The following MAP3K3 variants were observed in gnomAD, a reference collection of about 807,000 sequenced individuals.
MAP3K3 encodes mitogen-activated protein kinase kinase kinase 3.
Under a neutral mutation model 80.9 loss-of-function variants are expected in MAP3K3, and 12 were observed. The ratio of observed to expected loss-of-function variants is 0.15; its 90% CI spans 0.10 to 0.24. The LOEUF (loss-of-function observed/expected upper bound fraction) is 0.24. Ranked by LOEUF, MAP3K3 falls within the 10% of genes least tolerant of loss-of-function variation. The pLI, the probability that MAP3K3 is intolerant of heterozygous loss-of-function variation, is 1.00. For synonymous variants in MAP3K3, 272 were observed against 307.1 expected (o/e 0.89, Z 1.19); for missense variants, 596 against 834.7 (o/e 0.71, Z 3.52).
rs77641949 is a variant in MAP3K3 at position 63,651,889 on chromosome 17, T to C, written c.168-668T>C. Among the ~76,000 whole-genome samples, 1,318 of 152,282 alleles carry C rather than the reference T, an allele frequency of 8.7e-3. 18 individuals are homozygous for C. Among genetic ancestry groups the C allele is most frequent in the African/African-American group, 0.03 (1,262 of 41,542 alleles). The stretch of plus-strand genomic sequence containing the variant: ...ATTCTGAGGAAAATCAGTATGGAGA[T>C]TCTTATGGCATCTCAAAGATGAACG... On this transcript the variant is annotated intron_variant, in intron 3 of 15. Coordinates refer to ENST00000361733, the MANE Select transcript of MAP3K3 (RefSeq NM_002401.5).
rs1346213585 is a variant in MAP3K3, at chr17:63,622,749, C to T, written c.-11C>T. 7.6e-6 allele frequency: 4 copies of T among 525,294 alleles called. No individual in the cohort carries two copies. Among genetic ancestry groups the T allele is most frequent in the African/African-American group, 4.1e-5 (2 of 49,050 alleles). 32.5% of individuals were successfully genotyped at this position (525,294 alleles called of 1,614,324 possible). ...TCACGGACCTTAGCCACCGCCGCCG[C>T]CATCGCCACCATGGGTAAGTGTCGC... On this transcript the variant is annotated 5_prime_UTR_variant, in exon 1 of 16. Coordinates refer to ENST00000361733, the MANE Select transcript of MAP3K3 (RefSeq NM_002401.5).
rs2035525057 is a variant in MAP3K3 at position 63,689,057 on chromosome 17, ATT to A, written c.871+178_871+179del. On this transcript the variant is annotated intron_variant, in intron 10 of 15. Coordinates refer to ENST00000361733, the MANE Select transcript of MAP3K3 (RefSeq NM_002401.5). The surrounding 1 kb of genome is among the most constrained non-coding windows in gnomAD (Gnocchi z 4.3). ...CAAAAACAAAAACAGGGAAGATAGT[ATT>A]TGTAGACCAGATGCTGCCACTGGGA... The A allele has an allele frequency of 1.6e-6, 1 of 607,214 alleles. No homozygotes were observed. The highest frequency in any genetic ancestry group is 2.9e-6 in the Non-Finnish European group (1 of 342,572). 37.6% of individuals were successfully genotyped at this position (607,214 alleles called of 1,614,324 possible).
chr17:63,632,912 C>A (rs1230800220), intron 2 of MAP3K3, 110 bp downstream of exon 2: 1 of 1,401,700 alleles, frequency 7.1e-7, no homozygotes, highest in Non-Finnish European at 9.8e-7. Context: ...ATGCTTTTGA[C>A]CCCTTCCTTT....
chr17:63,681,662 G>T, intron 6 of MAP3K3, 104 bp from the exon 7 acceptor site: 4 of 1,117,396 alleles, frequency 3.6e-6, no homozygotes, highest in Non-Finnish European at 4.7e-6. Flanking sequence ...ACCCATCTGA[G>T]TCACATTCCT....
intron 3 of MAP3K3, among the ~76,000 whole-genome samples, 166 bp from the exon 4 acceptor site, chr17:63,652,391 A>G (rs2034674425): frequency 6.6e-6 from 1 of 152,202 alleles, no homozygotes; most frequent in African/African-American, 2.4e-5. Flanking sequence ...GTGAAAGGTA[A>G]CGGTAGAGAA....
intron 3 of MAP3K3, among the ~76,000 whole-genome samples, chr17:63,648,824 G>C (rs1311800038): frequency 6.6e-6 from 1 of 151,790 alleles, no homozygotes; most frequent in African/African-American, 2.4e-5. Flanking sequence ...CACACACACA[G>C]AAAAAAGAAT....
chr17:63,665,401 A>G (rs553372153), intron 5 of MAP3K3, among the ~76,000 whole-genome samples: 14 of 152,070 alleles, frequency 9.2e-5, no homozygotes, highest in African/African-American at 3.1e-4. Flanking sequence ...TCCTGACCTC[A>G]TGATCCGCCC....
intron 3 of MAP3K3, among the ~76,000 whole-genome samples, 160 bp from the exon 4 acceptor site, chr17:63,652,397 G>A (rs1038300253): frequency 1.3e-5 from 2 of 152,124 alleles, no homozygotes; most frequent in Non-Finnish European, 2.9e-5. Flanking sequence ...GGTAACGGTA[G>A]AGAAGAGGAA....
chr17:63,690,953 G>A, intron 12 of MAP3K3, 149 bp from the exon 13 acceptor site: 2 of 917,328 alleles, frequency 2.2e-6, no homozygotes, highest in Non-Finnish European at 3.3e-6. Flanking sequence ...GTGGCCAAGA[G>A]CTAGACAGTT....
At chr17:63,657,211 A>G (rs771634211) in intron 4 of MAP3K3, among the ~76,000 whole-genome samples, 3 of 152,022 alleles carry the variant, frequency 2.0e-5, no homozygotes, top group Non-Finnish European at 2.9e-5. Context: ...GGAAAAGAAT[A>G]TGGGGGCTGT....
At position 63,691,044 on chromosome 17, in the gene MAP3K3, C is replaced by T. The variant is rs553952097; in HGVS notation, c.1213-58C>T. 1,134 of 1,607,056 alleles carry T rather than the reference C, an allele frequency of 7.1e-4. 12 individuals carry two copies. In the Admixed American group the frequency reaches 0.017, roughly 24 times the overall value. ...ACTAACTAGGGCAAGCTGAGCTGAA[C>T]CCAGGCGGGCAGAACTAGGGCCCTG... On this transcript the variant is annotated intron_variant, in intron 12 of 15. Coordinates refer to ENST00000361733, the MANE Select transcript of MAP3K3 (RefSeq NM_002401.5). This position sits in a 1 kb window ranked among gnomAD's most constrained non-coding sequence, Gnocchi z 4.8.
Position 63,622,758 on chromosome 17 carries a change from C to G in MAP3K3, c.-2C>G, listed in dbSNP as rs1319265085. 3.8e-6 allele frequency: 2 copies of G among 531,996 alleles called. No homozygotes were observed. The highest frequency in any genetic ancestry group is 7.2e-6 in the Non-Finnish European group (2 of 276,786). The allele number at this position is 531,996 out of a possible 1,614,324, so 33.0% of individuals were successfully genotyped here. A position where few individuals can be genotyped will look rare whatever the true frequency, so the allele number is the denominator to read the frequency against. ...TTAGCCACCGCCGCCGCCATCGCCA[C>G]CATGGGTAAGTGTCGCCACCGCCCC... On this transcript the variant is annotated 5_prime_UTR_variant, in exon 1 of 16. Transcript: ENST00000361733.
chr17:63,685,465 TG>T, intron 7 of MAP3K3, 51 bp from the exon 8 acceptor site: 3 of 1,441,208 alleles, frequency 2.1e-6, no homozygotes, highest in Non-Finnish European at 2.9e-6. Flanking sequence ...CCTGGGTCAC[TG>T]GGGGGAATTG....
At chr17:63,654,297 T>A (rs2034719554) in intron 4 of MAP3K3, among the ~76,000 whole-genome samples, 1 of 98,784 alleles carries the variant, frequency 1.0e-5, no homozygotes, top group Non-Finnish European at 2.3e-5. Flanking sequence ...TTCTGAACAT[T>A]TCGTGTAGTG....
At chr17:63,688,503 G>C (rs368830278) in intron 8 of MAP3K3, 24 bp from the exon 9 acceptor site, 9 of 1,608,492 alleles carry the variant, frequency 5.6e-6, no homozygotes, top group Non-Finnish European at 7.7e-6. Context: ...GCGGGAGTCT[G>C]TTTTTTCTTT....
At chr17:63,623,224 C>T (rs1471147093) in intron 1 of MAP3K3, among the ~76,000 whole-genome samples, 1 of 152,170 alleles carries the variant, frequency 6.6e-6, no homozygotes, top group Non-Finnish European at 1.5e-5. Flanking sequence ...TTTGCTCACA[C>T]AGGCCGGCCT....
rs1208513577 is a variant in MAP3K3 at position 63,692,713 on chromosome 17, C to T, written c.1652+294C>T. On this transcript the variant is annotated intron_variant, in intron 15 of 15. Coordinates refer to ENST00000361733, the MANE Select transcript of MAP3K3 (RefSeq NM_002401.5). The surrounding 1 kb of genome is among the most constrained non-coding windows in gnomAD (Gnocchi z 4.5). ...GGCCTGAAGGCCTGGACCAGTCTCTCAACAGGAGCAGGCTTCTGTCCCTTC... is the reference window on the plus strand; with the variant it reads ...GGCCTGAAGGCCTGGACCAGTCTCTTAACAGGAGCAGGCTTCTGTCCCTTC... Among the ~76,000 whole-genome samples the T allele has an allele frequency of 6.6e-6, 1 of 152,234 alleles. No homozygotes were observed. The highest frequency in any genetic ancestry group is 1.5e-5 in the Non-Finnish European group (1 of 68,028).
intron 1 of MAP3K3, among the ~76,000 whole-genome samples, chr17:63,630,425 T>C (rs978594477): frequency 1.3e-5 from 2 of 152,140 alleles, no homozygotes; most frequent in Non-Finnish European, 1.5e-5. Flanking sequence ...CCTCCTGGGC[T>C]CAAGTGATCC....
intron 2 of MAP3K3, among the ~76,000 whole-genome samples, chr17:63,640,424 C>T (rs751084242): frequency 1.3e-5 from 2 of 152,144 alleles, no homozygotes; most frequent in East Asian, 1.9e-4. Flanking sequence ...TATGTGTGTA[C>T]GTTGATTTTT....
Sources: gnomAD v4.1 joint callset for allele counts (sites outside exome capture counted in the v4.1 genomes callset) on GRCh38, gnomAD v4.1.1 for gene constraint, Gnocchi (gnomAD v3.1) non-coding constraint, MANE v1.5 for transcripts, NCBI Gene and HGNC (gene_info 2026-07-23, HGNC 2026-07-21) for gene names.